STXBP5L: variants seen among roughly 807,000 people sequenced by gnomAD.
STXBP5L encodes syntaxin binding protein 5L.
In STXBP5L, 65 loss-of-function variants were observed where a neutral mutation model predicts 144.5. That is an observed-to-expected ratio of 0.45 (90% CI 0.37 to 0.55). STXBP5L has a LOEUF of 0.55. Among genes scored for constraint, STXBP5L ranks in the 20% least tolerant of loss-of-function variants. The pLI is 0.00. For missense variants in STXBP5L, 1,298 were observed against 1,405.5 expected (o/e 0.92, Z 1.22); for synonymous variants, 505 against 469.6 (o/e 1.08, Z -0.97).
intron 5 of STXBP5L, among the ~76,000 whole-genome samples, chr3:121,069,735 T>G (rs1300770321): frequency 6.6e-6 from 1 of 152,234 alleles, no homozygotes; most frequent in Non-Finnish European, 1.5e-5. Context: ...GGTTTTACAT[T>G]TAAAATTATA....
chr3:121,412,740 A>AC (rs2047143848), intron 23 of STXBP5L, among the ~76,000 whole-genome samples: 1 of 148,718 alleles, frequency 6.7e-6, no homozygotes, highest in Non-Finnish European at 1.5e-5. Flanking sequence ...AAAAAAAAAA[A>AC]AAAAAAAAAC....
chr3:121,336,630 G>T (rs931912453), intron 20 of STXBP5L, among the ~76,000 whole-genome samples: 4 of 152,090 alleles, frequency 2.6e-5, no homozygotes, highest in Admixed American at 2.0e-4. Flanking sequence ...AGGTTGCAGA[G>T]AAAAGGGAAT....
At chr3:121,053,738 G>A (rs1220438182) in intron 5 of STXBP5L, among the ~76,000 whole-genome samples, 2 of 152,138 alleles carry the variant, frequency 1.3e-5, no homozygotes, top group Non-Finnish European at 2.9e-5. Flanking sequence ...ATTGACAAAT[G>A]GCATCTAATT....
chr3:120,993,409 C>G (rs1404756344), intron 3 of STXBP5L, among the ~76,000 whole-genome samples: 2 of 151,792 alleles, frequency 1.3e-5, no homozygotes, highest in African/African-American at 4.8e-5. Flanking sequence ...CAGTGTTTCC[C>G]CTATGTTTTC....
intron 5 of STXBP5L, among the ~76,000 whole-genome samples, chr3:121,069,717 GT>G (rs1204897897): frequency 6.6e-6 from 1 of 151,862 alleles, no homozygotes. Context: ...TTTTCTAAAA[GT>G]TTTTATGGTT....
At chr3:120,988,069 TA>T (rs1226650876) in intron 3 of STXBP5L, among the ~76,000 whole-genome samples, 20 of 151,724 alleles carry the variant, frequency 1.3e-4, no homozygotes, top group Admixed American at 7.9e-4. Flanking sequence ...CAGGTATATT[TA>T]TTTTTTTTTC....
At chr3:121,401,507 A>G (rs1054909214) in intron 22 of STXBP5L, among the ~76,000 whole-genome samples, 8 of 147,282 alleles carry the variant, frequency 5.4e-5, no homozygotes, top group African/African-American at 2.0e-4. Context: ...ATGTCCAACA[A>G]TGATAGTCTG....
chr3:121,346,522 G>A (rs1050271816), intron 20 of STXBP5L, among the ~76,000 whole-genome samples: 8 of 151,992 alleles, frequency 5.3e-5, no homozygotes, highest in South Asian at 2.1e-4. Flanking sequence ...CTGAGGAATC[G>A]CCACACTGTC....
At chr3:121,252,163 C>T (rs1227486117) in intron 15 of STXBP5L, among the ~76,000 whole-genome samples, 3 of 152,116 alleles carry the variant, frequency 2.0e-5, no homozygotes, top group Non-Finnish European at 4.4e-5. Flanking sequence ...AGTTCAGAAC[C>T]AGCCTGGGCA....
rs1369136047 is a variant in STXBP5L, at chr3:121,132,249, G to C, written c.669+10545G>C. ...TCCCAGCTCTCAGCTTACCCCTTAG[G>C]TTGAAAAGAGTGGATCTGTGCATCC... On this transcript the variant is annotated intron_variant, in intron 7 of 26. Coordinates refer to ENST00000471454, the MANE Select transcript of STXBP5L (RefSeq NM_001308330.2). Among the ~76,000 whole-genome samples the C allele has an allele frequency of 2.0e-5, 3 of 152,162 alleles. No homozygotes were observed. The East Asian group carries it at 5.8e-4, about 29-fold the overall frequency.
At chr3:121,261,663 A>G (rs1448904563) in intron 18 of STXBP5L, among the ~76,000 whole-genome samples, 2 of 152,214 alleles carry the variant, frequency 1.3e-5, no homozygotes, top group Non-Finnish European at 2.9e-5. Flanking sequence ...GAAAAACCAT[A>G]TGATGGTCTG....
At position 121,379,658 on chromosome 3, in the gene STXBP5L, A is replaced by C. The variant is rs540971502; in HGVS notation, c.2347+772A>C. ...TTTTTGGTTTTTTAAATATTATGCT[A>C]TACTAAATCTGATCCCTTAGATATG... On this transcript the variant is annotated intron_variant, in intron 21 of 26. Coordinates refer to ENST00000471454, the MANE Select transcript of STXBP5L (RefSeq NM_001308330.2). Among the ~76,000 whole-genome samples, 5 of 152,270 alleles carry C rather than the reference A, an allele frequency of 3.3e-5. No homozygotes were observed. In the East Asian group the frequency reaches 5.8e-4, roughly 18 times the overall value.
At chr3:121,222,389 C>T (rs1366369980) in intron 10 of STXBP5L, among the ~76,000 whole-genome samples, 1 of 152,096 alleles carries the variant, frequency 6.6e-6, no homozygotes, top group Non-Finnish European at 1.5e-5. Context: ...TTATACTGAT[C>T]TATAGACTGG....
chr3:121,227,190 G>A (rs1247638392), intron 11 of STXBP5L, among the ~76,000 whole-genome samples: 1 of 152,158 alleles, frequency 6.6e-6, no homozygotes, highest in Non-Finnish European at 1.5e-5. Context: ...GCAAGCTATA[G>A]ATAGCTTATG....
At chr3:120,966,477 C>A (rs113772318) in intron 3 of STXBP5L, among the ~76,000 whole-genome samples, 18,290 of 151,802 alleles carry the variant, frequency 0.12, 1,153 homozygotes, top group Non-Finnish European at 0.14. Flanking sequence ...TGTAGATGAC[C>A]TTTTTGTTGA....
At chr3:121,108,119 C>T (rs116698401) in intron 5 of STXBP5L, among the ~76,000 whole-genome samples, 2,718 of 152,140 alleles carry the variant, frequency 0.018, 39 homozygotes, top group Non-Finnish European at 0.031. Context: ...TAGGCTGAAG[C>T]GATAGGATTT....
At chr3:120,980,979 A>G (rs559318375) in intron 3 of STXBP5L, among the ~76,000 whole-genome samples, 1 of 152,134 alleles carries the variant, frequency 6.6e-6, no homozygotes. Flanking sequence ...TTAGCAGGAT[A>G]CAAAATCCTT....
chr3:121,233,800 A>G, intron 12 of STXBP5L, 112 bp downstream of exon 12: 1 of 814,374 alleles, frequency 1.2e-6, no homozygotes, highest in Non-Finnish European at 1.8e-6. Flanking sequence ...GTTTGCTAGA[A>G]TTACAGAAAT....
chr3:121,190,926 C>T (rs1278481740), intron 9 of STXBP5L, among the ~76,000 whole-genome samples: 3 of 151,080 alleles, frequency 2.0e-5, no homozygotes, highest in East Asian at 3.9e-4. Flanking sequence ...CAGAGGAGCT[C>T]TTCATATCTC....
Sources: gnomAD v4.1 joint callset for allele counts (sites outside exome capture counted in the v4.1 genomes callset) on GRCh38, gnomAD v4.1.1 for gene constraint, MANE v1.5 for transcripts, NCBI Gene and HGNC (gene_info 2026-07-23, HGNC 2026-07-21) for gene names.